The following BBX variants were observed in gnomAD, a reference collection of about 807,000 sequenced individuals.
BBX encodes the protein BBX high mobility group box domain containing.
In BBX, 30 loss-of-function variants were observed where a neutral mutation model predicts 100.2. That is an observed-to-expected ratio of 0.30 (90% CI 0.22 to 0.41). The LOEUF (loss-of-function observed/expected upper bound fraction) is 0.41, where lower values mean the gene tolerates loss of function less well. Ranked by LOEUF, BBX falls within the 10% of genes least tolerant of loss-of-function variation. The pLI is 1.00. For synonymous variants in BBX, 376 were observed against 388.1 expected (o/e 0.97, Z 0.37); for missense variants, 1,023 against 1,129.8 (o/e 0.91, Z 1.35).
intron 2 of BBX, among the ~76,000 whole-genome samples, chr3:107,567,242 G>T (rs953416479): frequency 1.3e-5 from 2 of 151,952 alleles, no homozygotes; most frequent in Non-Finnish European, 2.9e-5. Context: ...ACATATATTC[G>T]TATCAGGTTA....
At chr3:107,606,641 A>C (rs1435058780) in intron 2 of BBX, among the ~76,000 whole-genome samples, 1 of 152,058 alleles carries the variant, frequency 6.6e-6, no homozygotes, top group East Asian at 1.9e-4. Context: ...CTCTCTTTTT[A>C]AAAAGTTTTT....
chr3:107,727,985 T>C (rs189592342), intron 5 of BBX, among the ~76,000 whole-genome samples: 29 of 152,284 alleles, frequency 1.9e-4, no homozygotes, highest in Admixed American at 3.3e-4. Flanking sequence ...GTTATTGTCA[T>C]GCAAGAGATA....
chr3:107,534,682 A>G (rs1049428625), intron 2 of BBX, among the ~76,000 whole-genome samples: 4 of 152,230 alleles, frequency 2.6e-5, no homozygotes, highest in Non-Finnish European at 4.4e-5. Flanking sequence ...TATATAAAAA[A>G]TTGTTGATAA....
At position 107,561,472 on chromosome 3, in the gene BBX, G is replaced by A. The variant is rs904060660; in HGVS notation, c.-84+35074G>A. Among the ~76,000 whole-genome samples, 5 of 152,096 alleles carry A rather than the reference G, an allele frequency of 3.3e-5. No homozygotes were observed. In the East Asian group the frequency reaches 9.6e-4, roughly 29 times the overall value. On this transcript the variant is annotated intron_variant, in intron 2 of 17. Coordinates refer to ENST00000325805, the MANE Select transcript of BBX (RefSeq NM_001142568.3). ...AAATGTTTTTGTAATAGGGAAAACT[G>A]GAAATAGCATCATTGACCACAAGTA...
chr3:107,585,033 A>G (rs542025135), intron 2 of BBX, among the ~76,000 whole-genome samples: 142 of 152,228 alleles, frequency 9.3e-4, no homozygotes, highest in African/African-American at 3.3e-3. Flanking sequence ...AGGTGAGTAT[A>G]TAAGAACAAA....
intron 3 of BBX, among the ~76,000 whole-genome samples, chr3:107,685,799 T>C (rs1365131572): frequency 6.6e-6 from 1 of 152,248 alleles, no homozygotes; most frequent in Non-Finnish European, 1.5e-5. Context: ...TGCACGTTTG[T>C]TTTGTAACCA....
chr3:107,790,050 A>T (rs1235675920), intron 14 of BBX, among the ~76,000 whole-genome samples, 174 bp downstream of exon 14: 1 of 151,508 alleles, frequency 6.6e-6, no homozygotes, highest in Non-Finnish European at 1.5e-5. Flanking sequence ...GCTAATGCAA[A>T]TCTCCTTCAC....
At chr3:107,702,415 G>A (rs2061132376) in intron 3 of BBX, among the ~76,000 whole-genome samples, 1 of 152,062 alleles carries the variant, frequency 6.6e-6, no homozygotes, top group Non-Finnish European at 1.5e-5. Flanking sequence ...ACCTTTCCTG[G>A]CTTCTTATTT....
At chr3:107,674,464 G>C (rs143190570) in intron 3 of BBX, among the ~76,000 whole-genome samples, 1 of 152,090 alleles carries the variant, frequency 6.6e-6, no homozygotes, top group Non-Finnish European at 1.5e-5. Flanking sequence ...AAACCCTTGC[G>C]CTAGTAATGA....
rs547965268 is a variant in BBX at position 107,636,037 on chromosome 3, T to G, written c.-83-9799T>G. ...CTTTTATTTCAACAAAACTGTTAAT[T>G]GTTCTACTCTCTGTCTCCTCTCCCT... On this transcript the variant is annotated intron_variant, in intron 2 of 17. Coordinates refer to ENST00000325805, the MANE Select transcript of BBX (RefSeq NM_001142568.3). Among the ~76,000 whole-genome samples, 21 of 152,278 alleles carry G rather than the reference T, an allele frequency of 1.4e-4. No homozygotes were observed. The South Asian group carries it at 4.3e-3, about 32-fold the overall frequency.
At chr3:107,699,878 A>G (rs2060916250) in intron 3 of BBX, among the ~76,000 whole-genome samples, 1 of 152,000 alleles carries the variant, frequency 6.6e-6, no homozygotes, top group Non-Finnish European at 1.5e-5. Context: ...GAGAAGCCAG[A>G]GGTGATAGAC....
At chr3:107,601,438 C>A (rs984971489) in intron 2 of BBX, among the ~76,000 whole-genome samples, 1 of 152,162 alleles carries the variant, frequency 6.6e-6, no homozygotes, top group Non-Finnish European at 1.5e-5. Flanking sequence ...AGGAAAAGTT[C>A]TTGAAGAAAA....
At chr3:107,606,413 G>A (rs191994819) in intron 2 of BBX, among the ~76,000 whole-genome samples, 12 of 152,144 alleles carry the variant, frequency 7.9e-5, no homozygotes, top group African/African-American at 2.9e-4. Flanking sequence ...TCCTTCAGCC[G>A]TTTGGTTAAT....
chr3:107,540,761 T>C (rs942664806), intron 2 of BBX, among the ~76,000 whole-genome samples: 2 of 152,222 alleles, frequency 1.3e-5, no homozygotes, highest in African/African-American at 4.8e-5. Context: ...TCCTGTTCCT[T>C]CTTCCCTCAT....
chr3:107,702,315 C>G (rs562105656), intron 3 of BBX, among the ~76,000 whole-genome samples: 2 of 152,308 alleles, frequency 1.3e-5, no homozygotes, highest in East Asian at 3.9e-4. Flanking sequence ...TTTTAGACAG[C>G]TGTTTGAAAG....
intron 16 of BBX, among the ~76,000 whole-genome samples, chr3:107,799,889 C>T (rs1053663372): frequency 4.6e-5 from 7 of 152,182 alleles, no homozygotes; most frequent in African/African-American, 1.7e-4. Flanking sequence ...GCCGCAAAAT[C>T]TTGGAGTGCT....
At chr3:107,554,433 C>T (rs1016294651) in intron 2 of BBX, among the ~76,000 whole-genome samples, 5 of 152,132 alleles carry the variant, frequency 3.3e-5, no homozygotes, top group Non-Finnish European at 7.4e-5. Flanking sequence ...AGTTGGAATA[C>T]TTTTCTTGTG....
intron 2 of BBX, among the ~76,000 whole-genome samples, chr3:107,642,017 A>G (rs753844191): frequency 1.3e-5 from 2 of 152,238 alleles, no homozygotes; most frequent in Non-Finnish European, 2.9e-5. Flanking sequence ...ACTAGAGATC[A>G]GACTGTCAGT....
At chr3:107,563,189 TCTC>T (rs2050637394) in intron 2 of BBX, among the ~76,000 whole-genome samples, 1 of 152,090 alleles carries the variant, frequency 6.6e-6, no homozygotes, top group East Asian at 1.9e-4. Context: ...CTTCCAAACA[TCTC>T]CTTTGCCCAG....
Sources: allele counts gnomAD v4.1 joint callset (sites outside exome capture counted in the v4.1 genomes callset), GRCh38; gene constraint gnomAD v4.1.1; transcripts MANE v1.5; gene names NCBI Gene and HGNC (gene_info 2026-07-23, HGNC 2026-07-21).